NID1: variants seen among roughly 807,000 people sequenced by gnomAD.
NID1 encodes nidogen-1.
Under a neutral mutation model 130.6 loss-of-function variants are expected in NID1, and 76 were observed. The observed-to-expected ratio is 0.58, with a 90% CI of 0.48 to 0.70. NID1 has a LOEUF of 0.70. Ranked by LOEUF, NID1 falls within the 30% of genes least tolerant of loss-of-function variation. The pLI is 0.00. For missense variants in NID1, 1,517 were observed against 1,664.8 expected (o/e 0.91, Z 1.54); for synonymous variants, 665 against 675.1 (o/e 0.98, Z 0.23).
Position 236,038,256 on chromosome 1 carries a change from G to C in NID1, c.1136-3C>G. ...GGAATCCGTGTTATAGCTGAAAACT[G>C]GTCCAAGAAAACAATTGCACACCTG... On this transcript the variant is annotated splice_region_variant and splice_polypyrimidine_tract_variant and intron_variant, in intron 4 of 19. Coordinates refer to ENST00000264187, the MANE Select transcript of NID1 (RefSeq NM_002508.3). 1 of 1,611,486 alleles carries C rather than the reference G, an allele frequency of 6.2e-7. No homozygotes were observed. The highest frequency in any genetic ancestry group is 8.5e-7 in the Non-Finnish European group (1 of 1,178,224).
At chr1:236,040,026 A>G (rs184184761) in intron 4 of NID1, among the ~76,000 whole-genome samples, 38 of 152,310 alleles carry the variant, frequency 2.5e-4, no homozygotes, top group African/African-American at 7.7e-4. Flanking sequence ...CTGCGTTCAA[A>G]TCTAGGCTTT....
chr1:235,993,515 G>A (rs1279309009), intron 13 of NID1, 130 bp downstream of exon 13: 6 of 803,958 alleles, frequency 7.5e-6, no homozygotes, highest in Admixed American at 2.9e-5. Flanking sequence ...CAGCAGGAGC[G>A]GGTGGGGCTG....
intron 15 of NID1, among the ~76,000 whole-genome samples, chr1:235,982,365 G>A (rs888935819): frequency 4.6e-5 from 7 of 152,180 alleles, no homozygotes; most frequent in Non-Finnish European, 1.0e-4. Flanking sequence ...CCATGTTAAT[G>A]AACTTAGAAC....
In NID1 at chr1:236,029,848, T is replaced by C. The variant is rs1449250223; in HGVS notation, c.1538-98A>G. The stretch of plus-strand genomic sequence containing the variant: ...GTGGAGTGGGGTTGGTGCGAACGCT[T>C]CTGCAGGTGCTTTGGTTTGGCTGTA... On this transcript the variant is annotated intron_variant, in intron 6 of 19. Transcript: ENST00000264187. 3 of 1,084,330 alleles carry C rather than the reference T, an allele frequency of 2.8e-6. No individual in the cohort carries two copies. The African/African-American group carries it at 4.6e-5, about 17-fold the overall frequency. The allele number at this position is 1,084,330 out of a possible 1,614,324, so 67.2% of individuals were successfully genotyped here. A position where few individuals can be genotyped will look rare whatever the true frequency, so the allele number is the denominator to read the frequency against.
chr1:236,014,210 C>T (rs1386822080), intron 10 of NID1, among the ~76,000 whole-genome samples: 1 of 134,062 alleles, frequency 7.5e-6, no homozygotes, highest in South Asian at 2.3e-4. Context: ...TTCTTCCCCC[C>T]ACCCCCTCAA....
intron 1 of NID1, among the ~76,000 whole-genome samples, chr1:236,063,576 T>G (rs4403619): frequency 0.39 from 59,327 of 151,924 alleles, 12,383 homozygotes; most frequent in East Asian, 0.68. Flanking sequence ...TGATCTGTAT[T>G]TCAACATAAT....
At chr1:236,026,841 C>CGATT (rs1658947235) in intron 7 of NID1, among the ~76,000 whole-genome samples, 1 of 151,516 alleles carries the variant, frequency 6.6e-6, no homozygotes, top group Non-Finnish European at 1.5e-5. Context: ...TGGGTTCAAG[C>CGATT]GATTCTCCCA....
At position 236,032,951 on chromosome 1, in the gene NID1, CAGA is replaced by C. The variant is rs562873874; in HGVS notation, c.1286-302_1286-300del. Among the ~76,000 whole-genome samples the C allele has an allele frequency of 9.9e-4, 151 of 152,244 alleles. 1 individual carries two copies. Among genetic ancestry groups the C allele is most frequent in the Middle Eastern group, 3.4e-3 (1 of 294 alleles). ...ACTGCAGGAGTTAAAAACAGAATTT[CAGA>C]AGAAGAAGAATATCAGGGGTGACCT... is the stretch of plus-strand genomic sequence containing the variant. On this transcript the variant is annotated intron_variant, in intron 5 of 19. Coordinates refer to ENST00000264187, the MANE Select transcript of NID1 (RefSeq NM_002508.3).
intron 9 of NID1, among the ~76,000 whole-genome samples, chr1:236,023,104 T>C (rs1658812947): frequency 3.3e-5 from 5 of 150,892 alleles, no homozygotes; most frequent in Admixed American, 3.3e-4. Flanking sequence ...GATTCAGCAA[T>C]CCCACTTTTG....
At chr1:236,011,762 C>T (rs1276339509) in intron 12 of NID1, among the ~76,000 whole-genome samples, 159 bp downstream of exon 12, 1 of 143,912 alleles carries the variant, frequency 6.9e-6, no homozygotes, top group Non-Finnish European at 1.5e-5. Context: ...GGGCCATGTG[C>T]TCTGGATTCA....
At chr1:236,042,923 G>A (rs1659496783) in intron 3 of NID1, among the ~76,000 whole-genome samples, 1 of 152,214 alleles carries the variant, frequency 6.6e-6, no homozygotes, top group African/African-American at 2.4e-5. Flanking sequence ...CTGCCTCCAG[G>A]GAGGGGAGAT....
rs1026608836 is a variant in NID1 at position 236,061,614 on chromosome 1, C to T, written c.225+3241G>A. 9.2e-5 allele frequency among the ~76,000 whole-genome samples: 14 copies of T among 152,088 alleles called. No individual in the cohort carries two copies. In the East Asian group the frequency reaches 1.7e-3, roughly 19 times the overall value. ...CTGAGTAGCTGAGATTACAGGTGCA[C>T]GCCACCACACCTGGCTGTTTTTCGT... On this transcript the variant is annotated intron_variant, in intron 1 of 19. Transcript: ENST00000264187.
chr1:236,015,827 G>A (rs1415246915), intron 10 of NID1, among the ~76,000 whole-genome samples: 10 of 151,964 alleles, frequency 6.6e-5, no homozygotes, highest in African/African-American at 1.9e-4. Context: ...GAGCCCCAGA[G>A]AGGTTGTCTT....
intron 1 of NID1, among the ~76,000 whole-genome samples, chr1:236,053,524 C>T (rs901662332): frequency 2.6e-5 from 4 of 152,134 alleles, no homozygotes; most frequent in African/African-American, 4.8e-5. Context: ...TGAAACAGTG[C>T]CTTCTCAGAG....
intron 12 of NID1, among the ~76,000 whole-genome samples, chr1:236,005,175 GCAAACAAA>G (rs2102811275): frequency 1.3e-5 from 2 of 151,840 alleles, no homozygotes; most frequent in East Asian, 3.9e-4. Context: ...GAAAACAAAA[GCAAACAAA>G]CAAAAAAATG....
chr1:235,980,663 G>T lies in NID1; in HGVS notation c.3228-10C>A, dbSNP rs766039753. On this transcript the variant is annotated splice_polypyrimidine_tract_variant and intron_variant, in intron 16 of 19. Coordinates refer to ENST00000264187, the MANE Select transcript of NID1 (RefSeq NM_002508.3). ...TGTCCAGTAAAGGTTCCTGGAGGAG[G>T]AAAAAGGGGGGAAAGAGGAAAAGAA... 6.2e-7 allele frequency: 1 copy of T among 1,603,652 alleles called. No individual in the cohort carries two copies. The highest frequency in any genetic ancestry group is 1.1e-5 in the South Asian group (1 of 89,234).
At chr1:235,985,860 G>A (rs1925363) in intron 14 of NID1, among the ~76,000 whole-genome samples, 38,216 of 151,646 alleles carry the variant, frequency 0.25, 5,847 homozygotes, top group East Asian at 0.63. Flanking sequence ...TCCTGAACTC[G>A]AGTGATCCTC....
intron 6 of NID1, among the ~76,000 whole-genome samples, chr1:236,032,150 T>C (rs145497784): frequency 3.2e-4 from 49 of 152,284 alleles, no homozygotes; most frequent in Non-Finnish European, 6.0e-4. Context: ...CACCACGAAA[T>C]TGCTCCTCAA....
At chr1:236,037,904 A>G (rs146760044) in intron 5 of NID1, among the ~76,000 whole-genome samples, 200 bp downstream of exon 5, 108 of 152,268 alleles carry the variant, frequency 7.1e-4, no homozygotes, top group African/African-American at 2.5e-3. Context: ...ACTTTGCCAT[A>G]TTTGAAAAAT....
Sources: allele counts gnomAD v4.1 joint callset (sites outside exome capture counted in the v4.1 genomes callset), GRCh38; gene constraint gnomAD v4.1.1; transcripts MANE v1.5; gene names NCBI Gene and HGNC (gene_info 2026-07-23, HGNC 2026-07-21).